The following MYH10 variants were observed in gnomAD, a reference collection of about 807,000 sequenced individuals.
The protein encoded by MYH10 is myosin heavy chain 10, also known as myosin-10.
MYH10 carries 55 observed loss-of-function variants against 257.8 expected under a neutral mutation model. The ratio of observed to expected loss-of-function variants is 0.21; its 90% CI spans 0.17 to 0.27. The LOEUF is 0.27. Among genes scored for constraint, MYH10 ranks in the 10% least tolerant of loss-of-function variants. MYH10 has a pLI of 1.00. For missense variants in MYH10, 1,631 were observed against 2,500.6 expected (o/e 0.65, Z 7.42); for synonymous variants, 854 against 921.7 (o/e 0.93, Z 1.33).
intron 11 of MYH10, among the ~76,000 whole-genome samples, chr17:8,548,044 A>T (rs1036807126): frequency 1.3e-5 from 2 of 151,690 alleles, no homozygotes; most frequent in African/African-American, 4.8e-5. Context: ...TAAGTGTGTG[A>T]CCTCCTGCGG....
In MYH10 at chr17:8,576,634, A is replaced by C; in HGVS notation, c.663+9T>G. 1 of 1,550,372 alleles carries C rather than the reference A, an allele frequency of 6.5e-7. No individual in the cohort carries two copies. ...CTCAAGACTAAGAAGCATAAAGAAG[A>C]GCACTTGCCTGGTGTTTCACTGGTT... On this transcript the variant is annotated intron_variant, in intron 6 of 42. Coordinates refer to ENST00000360416, the MANE Select transcript of MYH10 (RefSeq NM_001256012.3).
chr17:8,600,428 C>T (rs570554202), intron 3 of MYH10, among the ~76,000 whole-genome samples: 1 of 152,194 alleles, frequency 6.6e-6, no homozygotes, highest in East Asian at 1.9e-4. Context: ...ATTGGACTAC[C>T]AATATGGAAG....
At chr17:8,614,346 C>T (rs978369876) in intron 2 of MYH10, among the ~76,000 whole-genome samples, 1 of 97,772 alleles carries the variant, frequency 1.0e-5, no homozygotes, top group Non-Finnish European at 1.9e-5. Context: ...GATGGATTCT[C>T]GCTCTGTTGT....
chr17:8,481,054 G>A (rs530207372), intron 38 of MYH10, among the ~76,000 whole-genome samples: 11 of 54,394 alleles, frequency 2.0e-4, no homozygotes, highest in Non-Finnish European at 4.3e-4. Context: ...TGCAGTGCCC[G>A]TTGGCGCACC....
intron 3 of MYH10, among the ~76,000 whole-genome samples, chr17:8,599,392 C>T (rs1330694475): frequency 6.6e-6 from 1 of 152,112 alleles, no homozygotes; most frequent in East Asian, 1.9e-4. Context: ...ATTAAAACTC[C>T]CTCTATAACT....
Position 8,504,550 on chromosome 17 carries a change from A to G in MYH10, c.3599+144T>C. On this transcript the variant is annotated intron_variant, in intron 28 of 42. Coordinates refer to ENST00000360416, the MANE Select transcript of MYH10 (RefSeq NM_001256012.3). This position sits in a 1 kb window ranked among gnomAD's most constrained non-coding sequence, Gnocchi z 5.6. ...CCCATAGGCTGGTCTGTTTCTAACC[A>G]TTACCATTTAATCACCGTTCCACCT... 1.4e-6 allele frequency: 1 copy of G among 711,840 alleles called. No individual in the cohort carries two copies. The highest frequency in any genetic ancestry group is 2.3e-6 in the Non-Finnish European group (1 of 431,438). 44.1% of individuals were successfully genotyped at this position (711,840 alleles called of 1,614,324 possible). A position where few individuals can be genotyped will look rare whatever the true frequency, so the allele number is the denominator to read the frequency against.
intron 17 of MYH10, among the ~76,000 whole-genome samples, chr17:8,521,908 C>T (rs1597727382): frequency 1.3e-5 from 2 of 152,140 alleles, no homozygotes; most frequent in African/African-American, 2.4e-5. Flanking sequence ...GGCAAGAACA[C>T]AAAATAGGAA....
In MYH10 at chr17:8,552,213, C is replaced by T. The variant is rs189028491; in HGVS notation, c.821-69G>A. 136 of 726,806 alleles carry T rather than the reference C, an allele frequency of 1.9e-4. No individual in the cohort carries two copies. In the African/African-American group the frequency reaches 2.2e-3, roughly 12 times the overall value. 45.0% of individuals were successfully genotyped at this position (726,806 alleles called of 1,614,324 possible). A position where few individuals can be genotyped will look rare whatever the true frequency, so the allele number is the denominator to read the frequency against. On this transcript the variant is annotated intron_variant, in intron 8 of 42. Transcript: ENST00000360416. The surrounding 1 kb of genome is among the most constrained non-coding windows in gnomAD (Gnocchi z 4.8). ...TAAATAAATAAAGGCCCTCTTTCAG[C>T]GTCTGTAAATTTAAATCATAAAACA...
At chr17:8,592,803 G>A (rs1597917179) in intron 3 of MYH10, among the ~76,000 whole-genome samples, 2 of 31,392 alleles carry the variant, frequency 6.4e-5, no homozygotes, top group South Asian at 1.5e-3. Context: ...ACCTTACCCT[G>A]ATAATGAAAT....
chr17:8,476,603 A>G (rs770135538), intron 42 of MYH10, among the ~76,000 whole-genome samples: 3 of 152,128 alleles, frequency 2.0e-5, no homozygotes, highest in Non-Finnish European at 4.4e-5. Context: ...TCACTAATGG[A>G]TATCTGGACA....
Position 8,492,979 on chromosome 17 carries a change from C to G in MYH10, c.4255G>C (p.Glu1419Gln). ...TTCTTCTTGGCTTCTTCCAGACTTT[C>G]AATTGTTCCCAGGTCGTCATCTACT... ...KKVDDDLGTI[E>Q]SLEEAKKKLL... Residue 1419 changes from glutamate (E) to glutamine (Q), a missense_variant, in exon 33 of 43, where the codon GAA (glutamate) becomes CAA (glutamine). Around this residue, in one of 11 missense-constraint regions of MYH10, gnomAD observed 463 missense variants for 621.8 expected, o/e 0.74. Coordinates refer to ENST00000360416, the MANE Select transcript of MYH10 (RefSeq NM_001256012.3). The G allele has an allele frequency of 6.2e-7, 1 of 1,614,090 alleles. No individual in the cohort carries two copies. Among genetic ancestry groups the G allele is most frequent in the Non-Finnish European group, 8.5e-7 (1 of 1,180,038 alleles).
chr17:8,535,595 A>G lies in MYH10; in HGVS notation c.1780-94T>C. ...TTAAGCCTCAACCAGAAACTTTTATACAACAGTCCCCAAAATGGGCTGTCT... is the reference window on the plus strand; with the variant it reads ...TTAAGCCTCAACCAGAAACTTTTATGCAACAGTCCCCAAAATGGGCTGTCT... On this transcript the variant is annotated intron_variant, in intron 15 of 42. Transcript: ENST00000360416. The surrounding 1 kb of genome is among the most constrained non-coding windows in gnomAD (Gnocchi z 4.3). 3 of 1,284,792 alleles carry G rather than the reference A, an allele frequency of 2.3e-6. No individual in the cohort carries two copies. The South Asian group carries it at 4.1e-5, about 18-fold the overall frequency. The allele number at this position is 1,284,792 out of a possible 1,614,324, so 79.6% of individuals were successfully genotyped here.
intron 2 of MYH10, among the ~76,000 whole-genome samples, chr17:8,612,621 A>AG (rs916772326): frequency 1.2e-4 from 18 of 152,200 alleles, no homozygotes; most frequent in Non-Finnish European, 7.4e-5. Flanking sequence ...GAGGCCAAGG[A>AG]GGGGGCAGAT....
intron 7 of MYH10, among the ~76,000 whole-genome samples, chr17:8,557,744 A>G (rs1022461314): frequency 1.3e-5 from 2 of 152,230 alleles, no homozygotes; most frequent in African/African-American, 4.8e-5. Flanking sequence ...CAAAGTCATG[A>G]ACAAAAAAAC....
chr17:8,572,666 T>G (rs2152009020), intron 6 of MYH10, among the ~76,000 whole-genome samples: 1 of 152,116 alleles, frequency 6.6e-6, no homozygotes, highest in South Asian at 2.1e-4. Flanking sequence ...GCAAGAAGAT[T>G]TATGGGTCCT....
intron 4 of MYH10, among the ~76,000 whole-genome samples, chr17:8,585,383 G>A (rs1412570165): frequency 6.7e-6 from 1 of 149,218 alleles, no homozygotes; most frequent in Admixed American, 6.7e-5. Context: ...TATTTAACAT[G>A]AGCATGGGGA....
chr17:8,554,232 A>C (rs1414218134), intron 7 of MYH10: 1 of 305,138 alleles, frequency 3.3e-6, no homozygotes, highest in African/African-American at 2.2e-5. Flanking sequence ...CTATAACATA[A>C]TAAAATTAGA....
intron 28 of MYH10, among the ~76,000 whole-genome samples, chr17:8,503,143 C>T (rs1287723304): frequency 6.6e-6 from 1 of 152,004 alleles, no homozygotes; most frequent in African/African-American, 2.4e-5. Flanking sequence ...ATTAGCCGGG[C>T]GTGGTGGCAC....
intron 21 of MYH10, among the ~76,000 whole-genome samples, chr17:8,514,384 G>A (rs1342667597): frequency 6.6e-6 from 1 of 152,078 alleles, no homozygotes; most frequent in Non-Finnish European, 1.5e-5. Flanking sequence ...GCAATGGAGC[G>A]CAGCACTCAA....
Sources: gnomAD v4.1 joint callset for allele counts (sites outside exome capture counted in the v4.1 genomes callset) on GRCh38, gnomAD v4.1.1 for gene constraint, gnomAD v4.1.1 regional missense constraint, Gnocchi (gnomAD v3.1) non-coding constraint, MANE v1.5 for transcripts, NCBI Gene and HGNC (gene_info 2026-07-23, HGNC 2026-07-21) for gene names.